The following SMYD3 variants were observed in gnomAD, a reference collection of about 807,000 sequenced individuals.
The protein encoded by SMYD3 is histone-lysine N-methyltransferase SMYD3.
SMYD3 carries 36 observed loss-of-function variants against 57.7 expected under a neutral mutation model. The observed-to-expected ratio is 0.62, with a 90% CI of 0.48 to 0.82. The LOEUF (loss-of-function observed/expected upper bound fraction) is 0.82. Ranked by LOEUF, SMYD3 falls within the 40% of genes least tolerant of loss-of-function variation. SMYD3 has a pLI of 0.00. For missense variants in SMYD3, 515 were observed against 538.8 expected, an observed-to-expected ratio of 0.96 and a Z score of 0.44; for synonymous variants, 211 against 195.0, an observed-to-expected ratio of 1.08 and a Z score of -0.68.
chr1:246,307,190 T>C (rs1405747989), intron 5 of SMYD3, among the ~76,000 whole-genome samples: 1 of 152,176 alleles, frequency 6.6e-6, no homozygotes, highest in Non-Finnish European at 1.5e-5. Context: ...TGTCCTTTTA[T>C]ATATTGGCCA....
At chr1:246,464,396 G>A (rs1229319530) in intron 1 of SMYD3, among the ~76,000 whole-genome samples, 1 of 151,828 alleles carries the variant, frequency 6.6e-6, no homozygotes, top group African/African-American at 2.4e-5. Flanking sequence ...ATGTGCCTAT[G>A]ATCCCAGCTA....
chr1:246,363,560 A>G (rs1264300372), intron 1 of SMYD3, among the ~76,000 whole-genome samples: 2 of 152,234 alleles, frequency 1.3e-5, no homozygotes, highest in African/African-American at 4.8e-5. Context: ...GAGACTTTTC[A>G]TTTTGTTCTG....
chr1:245,956,871 C>A (rs1375894533), intron 5 of SMYD3, among the ~76,000 whole-genome samples: 1 of 152,238 alleles, frequency 6.6e-6, no homozygotes, highest in Admixed American at 6.5e-5. Context: ...GCATACCCAT[C>A]TTAAGGCAGT....
intron 5 of SMYD3, among the ~76,000 whole-genome samples, chr1:246,292,948 G>A (rs2064723847): frequency 6.6e-6 from 1 of 152,024 alleles, no homozygotes; most frequent in South Asian, 2.1e-4. Context: ...AACATGGGTT[G>A]GGAAAAATTG....
At chr1:245,963,796 CA>C (rs1248075446) in intron 5 of SMYD3, among the ~76,000 whole-genome samples, 1 of 152,134 alleles carries the variant, frequency 6.6e-6, no homozygotes, top group Non-Finnish European at 1.5e-5. Flanking sequence ...GGAAAATACC[CA>C]ACTCCAGTCC....
chr1:246,416,066 T>C (rs1471773934), intron 1 of SMYD3, among the ~76,000 whole-genome samples: 1 of 152,252 alleles, frequency 6.6e-6, no homozygotes, highest in Non-Finnish European at 1.5e-5. Flanking sequence ...ATCTCCTATG[T>C]TGCATACAGT....
intron 5 of SMYD3, among the ~76,000 whole-genome samples, chr1:246,267,589 C>T (rs996716954): frequency 2.6e-5 from 4 of 152,152 alleles, no homozygotes; most frequent in African/African-American, 9.7e-5. Flanking sequence ...CATGTGAAAG[C>T]CTTTGCTTAG....
At chr1:246,308,061 G>A (rs945516609) in intron 5 of SMYD3, among the ~76,000 whole-genome samples, 9 of 152,176 alleles carry the variant, frequency 5.9e-5, no homozygotes, top group East Asian at 1.9e-4. Context: ...TTAGGTCTCC[G>A]CATCACCATT....
chr1:245,930,131 TGG>T (rs1332651714), intron 5 of SMYD3, 194 bp from the exon 6 acceptor site: 2 of 618,376 alleles, frequency 3.2e-6, no homozygotes, highest in African/African-American at 3.7e-5. Context: ...AAACATCAGG[TGG>T]TTAAGTGCAG....
At chr1:246,454,365 T>C (rs541506861) in intron 1 of SMYD3, among the ~76,000 whole-genome samples, 1 of 152,274 alleles carries the variant, frequency 6.6e-6, no homozygotes, top group African/African-American at 2.4e-5. Context: ...GAGAAATATT[T>C]ATTATATGCT....
intron 1 of SMYD3, among the ~76,000 whole-genome samples, chr1:246,405,741 T>C (rs973689981): frequency 1.3e-5 from 2 of 151,838 alleles, no homozygotes; most frequent in Non-Finnish European, 2.9e-5. Flanking sequence ...ACCCCGTCTC[T>C]ACTAAAAATA....
In SMYD3 at chr1:246,057,562, G is replaced by A. The variant is rs528875164; in HGVS notation, c.532-127625C>T. On this transcript the variant is annotated intron_variant, in intron 5 of 11. Coordinates refer to ENST00000490107, the MANE Select transcript of SMYD3 (RefSeq NM_001167740.2). ...TAAAATAACAAGAAGATACCACTACGCACATATTAGAATGGCCAAATCCGG... is the reference window on the plus strand; with the variant it reads ...TAAAATAACAAGAAGATACCACTACACACATATTAGAATGGCCAAATCCGG... 1.8e-4 allele frequency among the ~76,000 whole-genome samples: 27 copies of A among 152,252 alleles called. 1 individual carries two copies. The South Asian group carries it at 5.6e-3, about 32-fold the overall frequency.
intron 5 of SMYD3, among the ~76,000 whole-genome samples, chr1:246,035,823 A>G (rs1256976731): frequency 2.0e-5 from 3 of 152,220 alleles, no homozygotes; most frequent in African/African-American, 7.2e-5. Flanking sequence ...TTTGTCTTTT[A>G]TTTTGATCCT....
chr1:246,168,861 G>A (rs2062270216), intron 5 of SMYD3, among the ~76,000 whole-genome samples: 2 of 152,172 alleles, frequency 1.3e-5, no homozygotes, highest in South Asian at 2.1e-4. Flanking sequence ...AACAAATGAT[G>A]CCTATACAGT....
intron 5 of SMYD3, among the ~76,000 whole-genome samples, chr1:246,046,558 G>A (rs572817923): frequency 6.6e-6 from 1 of 151,436 alleles, no homozygotes; most frequent in South Asian, 2.1e-4. Context: ...ACACCAACAT[G>A]GCACATGTAT....
At chr1:245,765,082 C>CA (rs1553316016) in intron 10 of SMYD3, among the ~76,000 whole-genome samples, 3 of 117,830 alleles carry the variant, frequency 2.5e-5, no homozygotes, top group East Asian at 2.3e-4. Flanking sequence ...ACACACAAAA[C>CA]CACAGTTTAA....
intron 8 of SMYD3, among the ~76,000 whole-genome samples, chr1:245,865,277 A>G (rs9287187): frequency 0.56 from 84,479 of 152,020 alleles, 26,667 homozygotes; most frequent in Non-Finnish European, 0.73. Context: ...GGGAGTGGAA[A>G]AAGTCTACCC....
intron 5 of SMYD3, among the ~76,000 whole-genome samples, chr1:246,000,285 G>A (rs1572869010): frequency 1.3e-5 from 2 of 152,064 alleles, no homozygotes; most frequent in African/African-American, 2.4e-5. Flanking sequence ...GCAGGGCACC[G>A]ATAAGTGTCG....
At chr1:246,330,200 A>C (rs1161872058) in intron 4 of SMYD3, among the ~76,000 whole-genome samples, 1 of 152,236 alleles carries the variant, frequency 6.6e-6, no homozygotes, top group East Asian at 1.9e-4. Context: ...GAAACAGGGA[A>C]GAAAAAAAGA....
Sources: allele counts gnomAD v4.1 joint callset (sites outside exome capture counted in the v4.1 genomes callset), GRCh38; gene constraint gnomAD v4.1.1; transcripts MANE v1.5; gene names NCBI Gene and HGNC (gene_info 2026-07-23, HGNC 2026-07-21).